The following DSCAM variants were observed in gnomAD, a reference collection of about 807,000 sequenced individuals.
DSCAM encodes DS cell adhesion molecule, also known as cell adhesion molecule DSCAM.
Under a neutral mutation model 217.7 loss-of-function variants are expected in DSCAM, and 47 were observed. The observed-to-expected ratio is 0.22, with a 90% CI of 0.17 to 0.28. The LOEUF (loss-of-function observed/expected upper bound fraction) is 0.28. Ranked by LOEUF, DSCAM falls within the 10% of genes least tolerant of loss-of-function variation. The pLI is 1.00. For synonymous variants in DSCAM, 1,056 were observed against 1,015.3 expected (o/e 1.04, Z -0.76); for missense variants, 2,080 against 2,618.3 (o/e 0.79, Z 4.49).
chr21:40,667,116 C>G (rs1335504948), intron 3 of DSCAM, among the ~76,000 whole-genome samples: 1 of 152,202 alleles, frequency 6.6e-6, no homozygotes, highest in East Asian at 1.9e-4. Flanking sequence ...CCTTTGTCCC[C>G]AACATGCACT....
At chr21:40,161,418 T>G (rs1288427530) in intron 16 of DSCAM, among the ~76,000 whole-genome samples, 1 of 140,614 alleles carries the variant, frequency 7.1e-6, no homozygotes, top group South Asian at 2.3e-4. Flanking sequence ...CACAGTTTTT[T>G]TTTTAAAAGC....
chr21:40,427,763 G>C (rs1452729671), intron 3 of DSCAM, among the ~76,000 whole-genome samples: 1 of 152,250 alleles, frequency 6.6e-6, no homozygotes. Flanking sequence ...AAGCTAGGGA[G>C]GCTATGCTCA....
chr21:40,039,787 T>G (rs2088709915), intron 32 of DSCAM, among the ~76,000 whole-genome samples: 1 of 151,932 alleles, frequency 6.6e-6, no homozygotes, highest in Non-Finnish European at 1.5e-5. Context: ...AATTTCAAAG[T>G]CTGGGGATCA....
chr21:40,172,749 C>A (rs544608920), intron 15 of DSCAM, among the ~76,000 whole-genome samples: 97 of 152,318 alleles, frequency 6.4e-4, no homozygotes, highest in Non-Finnish European at 8.4e-4. Flanking sequence ...GGAGATTTGC[C>A]TTCTATGTGC....
At chr21:40,225,120 C>T (rs1863679076) in intron 11 of DSCAM, among the ~76,000 whole-genome samples, 2 of 152,204 alleles carry the variant, frequency 1.3e-5, no homozygotes, top group Admixed American at 1.3e-4. Flanking sequence ...TTGGCCAGGC[C>T]AACTGCATGA....
At chr21:40,510,995 G>A (rs117375521) in intron 3 of DSCAM, among the ~76,000 whole-genome samples, 1,529 of 152,206 alleles carry the variant, frequency 0.01, 15 homozygotes, top group Non-Finnish European at 0.018. Flanking sequence ...ATCATGTCAT[G>A]TTTCTTTTAT....
rs139341790 is a variant in DSCAM at position 40,838,007 on chromosome 21, C to A, written c.43+8612G>T. On this transcript the variant is annotated intron_variant, in intron 1 of 32. Coordinates refer to ENST00000400454, the MANE Select transcript of DSCAM (RefSeq NM_001389.5). ...AACCCAAGATCAAATCACACCACAG[C>A]GGGGCTAACTGTGAAAAGAATTGAA... Among the ~76,000 whole-genome samples the A allele has an allele frequency of 3.3e-4, 50 of 152,218 alleles. No individual in the cohort carries two copies. In the East Asian group the frequency reaches 9.5e-3, roughly 29 times the overall value.
rs142678124 is a variant in DSCAM at position 40,664,915 on chromosome 21, G to A, written c.508+27895C>T. On this transcript the variant is annotated intron_variant, in intron 3 of 32. Transcript: ENST00000400454. ...GGACCTCCCATCCCCTTGGTGATAA[G>A]TGAGTTCTCACTCAGTTCGTTCACA... Among the ~76,000 whole-genome samples, 716 of 152,278 alleles carry A rather than the reference G, an allele frequency of 4.7e-3. 4 individuals carry two copies. The highest frequency in any genetic ancestry group is 7.4e-3 in the Non-Finnish European group (503 of 68,020).
At chr21:40,537,307 A>G (rs1030952529) in intron 3 of DSCAM, among the ~76,000 whole-genome samples, 1 of 152,204 alleles carries the variant, frequency 6.6e-6, no homozygotes, top group African/African-American at 2.4e-5. Context: ...AGACAGACAG[A>G]CAGCAGGCTG....
intron 3 of DSCAM, among the ~76,000 whole-genome samples, chr21:40,393,768 T>C (rs566339205): frequency 6.6e-6 from 1 of 152,298 alleles, no homozygotes; most frequent in South Asian, 2.1e-4. Context: ...CAGCTTATTT[T>C]ATTTGATCCT....
At chr21:40,656,466 C>A (rs1409201868) in intron 3 of DSCAM, among the ~76,000 whole-genome samples, 2 of 151,792 alleles carry the variant, frequency 1.3e-5, no homozygotes, top group African/African-American at 4.8e-5. Context: ...TATTTCTTCA[C>A]TCCATCCTCA....
At chr21:40,259,661 C>CTTTT (rs542106779) in intron 11 of DSCAM, among the ~76,000 whole-genome samples, 2,782 of 59,530 alleles carry the variant, frequency 0.047, 766 homozygotes, top group Non-Finnish European at 0.073. Flanking sequence ...GTCAGCCATT[C>CTTTT]TTTTTTTTTT....
intron 30 of DSCAM, among the ~76,000 whole-genome samples, chr21:40,046,955 A>G (rs1391077937): frequency 6.6e-6 from 1 of 152,014 alleles, no homozygotes; most frequent in African/African-American, 2.4e-5. Context: ...TTCCATGGGA[A>G]AGTCGCACAT....
intron 32 of DSCAM, among the ~76,000 whole-genome samples, chr21:40,039,074 C>T (rs556859288): frequency 1.3e-5 from 2 of 151,466 alleles, no homozygotes; most frequent in South Asian, 2.1e-4. Context: ...GCTAGATGAC[C>T]AGTTAGTGGG....
chr21:40,108,492 G>C (rs1000597426), intron 20 of DSCAM, among the ~76,000 whole-genome samples: 1 of 152,154 alleles, frequency 6.6e-6, no homozygotes, highest in South Asian at 2.1e-4. Flanking sequence ...ACTGCTCAAA[G>C]AAATCAGAGA....
chr21:40,081,072 G>A (rs1487216654), intron 24 of DSCAM, among the ~76,000 whole-genome samples: 1 of 152,220 alleles, frequency 6.6e-6, no homozygotes, highest in African/African-American at 2.4e-5. Flanking sequence ...GGACACTGAA[G>A]TCCAGAGCAG....
At chr21:40,243,043 A>C (rs919567446) in intron 11 of DSCAM, among the ~76,000 whole-genome samples, 1 of 152,040 alleles carries the variant, frequency 6.6e-6, no homozygotes, top group South Asian at 2.1e-4. Flanking sequence ...CCTGTTTTCT[A>C]TTTACAGCTA....
chr21:40,220,137 A>G lies in DSCAM; in HGVS notation c.2357-30899T>C, dbSNP rs541704138. On this transcript the variant is annotated intron_variant, in intron 11 of 32. Transcript: ENST00000400454. ...CAATATAAAACTGCCTTTCAACATGACATCCTGTCTCTCTCACATCCACTG... is the reference window on the plus strand; with the variant it reads ...CAATATAAAACTGCCTTTCAACATGGCATCCTGTCTCTCTCACATCCACTG... Among the ~76,000 whole-genome samples, 6 of 152,278 alleles carry G rather than the reference A, an allele frequency of 3.9e-5. No homozygotes were observed. In the South Asian group the frequency reaches 1.0e-3, roughly 26 times the overall value.
intron 1 of DSCAM, among the ~76,000 whole-genome samples, chr21:40,733,281 T>C (rs919488179): frequency 3.9e-5 from 6 of 152,246 alleles, no homozygotes; most frequent in African/African-American, 1.4e-4. Context: ...TACTGACTGA[T>C]GGGACTGAGG....
Sources: gnomAD v4.1 joint callset for allele counts (sites outside exome capture counted in the v4.1 genomes callset) on GRCh38, gnomAD v4.1.1 for gene constraint, MANE v1.5 for transcripts, NCBI Gene and HGNC (gene_info 2026-07-23, HGNC 2026-07-21) for gene names.